Variants in EIF2AK4 observed in about 807,000 individuals in gnomAD.
The protein encoded by EIF2AK4 is eukaryotic translation initiation factor 2 alpha kinase 4.
EIF2AK4 carries 139 observed loss-of-function variants against 211.1 expected under a neutral mutation model. The ratio of observed to expected loss-of-function variants is 0.66; its 90% confidence interval spans 0.57 to 0.76. The LOEUF (loss-of-function observed/expected upper bound fraction) is 0.76. EIF2AK4 is among the 30% of genes least tolerant of loss of function. The pLI, the probability that EIF2AK4 is intolerant of heterozygous loss-of-function variation, is 0.00. For synonymous variants in EIF2AK4, 710 were observed against 751.3 expected (o/e 0.94, Z 0.90); for missense variants, 1,664 against 2,043.8 (o/e 0.81, Z 3.58).
chr15:39,984,714 C>T, intron 13 of EIF2AK4, among the ~76,000 whole-genome samples: 1 of 152,302 alleles, frequency 6.6e-6, no homozygotes, highest in South Asian at 2.1e-4. Context: ...TATCCTGAGA[C>T]TTTGCTGAAG....
intron 8 of EIF2AK4, 82 bp downstream of exon 8, chr15:39,965,925 GT>G: frequency 6.5e-7 from 1 of 1,549,016 alleles, no homozygotes. Flanking sequence ...CCCTGCATTT[GT>G]TTGCCCTGCA....
In EIF2AK4 at chr15:40,007,013, CA is replaced by C. The variant is rs1175418210; in HGVS notation, c.3358-2del. On this transcript the variant is annotated splice_acceptor_variant, in intron 23 of 38. Transcript: ENST00000263791. LOFTEE classifies it high-confidence loss of function. ...GACCTTTCATATTTTGTTTATTTTT[CA>C]GATCCCTTTTGCAAGATATGTGGCA... 1 of 1,591,518 alleles carries C rather than the reference CA, an allele frequency of 6.3e-7. No individual in the cohort carries two copies. Among genetic ancestry groups the C allele is most frequent in the Non-Finnish European group, 8.6e-7 (1 of 1,161,604 alleles).
At chr15:40,022,426 A>G (rs2035403719) in intron 31 of EIF2AK4, 93 bp from the exon 32 acceptor site, 2 of 1,053,640 alleles carry the variant, frequency 1.9e-6, no homozygotes, top group Middle Eastern at 4.2e-4. Flanking sequence ...CATTGAGAAT[A>G]TAATTGGAAA....
In EIF2AK4 at chr15:40,012,875, T is replaced by C. The variant is rs540610751; in HGVS notation, c.3759+1529T>C. 2.9e-3 allele frequency among the ~76,000 whole-genome samples: 435 copies of C among 152,316 alleles called. 1 individual carries two copies. Among genetic ancestry groups the C allele is most frequent in the Non-Finnish European group, 5.0e-3 (342 of 68,034 alleles). On this transcript the variant is annotated intron_variant, in intron 27 of 38. Transcript: ENST00000263791. Reference sequence around the variant, plus strand: ...GTACTTTGATTATTTTAAAATGGACTCTAAGGGTATTAGGAAGGGGAGTAG... The same window carrying C: ...GTACTTTGATTATTTTAAAATGGACCCTAAGGGTATTAGGAAGGGGAGTAG...
At chr15:39,969,638 G>A (rs559006609) in intron 9 of EIF2AK4, among the ~76,000 whole-genome samples, 1 of 152,268 alleles carries the variant, frequency 6.6e-6, no homozygotes, top group East Asian at 1.9e-4. Context: ...GGGATTACAG[G>A]CGTGAGCCAT....
chr15:39,943,582 CTACAAAAGGGAACATTGTGATTT>C, intron 3 of EIF2AK4, 97 bp downstream of exon 3: 3 of 925,812 alleles, frequency 3.2e-6, no homozygotes, highest in Non-Finnish European at 5.0e-6. Context: ...TTTATTGGTT[CTACAAAAGGGAACATTGTGATTT>C]TTATTTATTT....
rs1473771569 is a variant in EIF2AK4, at chr15:39,992,194, A to G, written c.2651A>G (p.Asp884Gly). The change falls in exon 17 of 39, where the codon GAT becomes GGT. Residue 884 changes from aspartate (D) to glycine (G), a missense_variant. Asp to Gly is a moderately conservative substitution (Grantham distance 94, BLOSUM62 -1). Coordinates refer to ENST00000263791, the MANE Select transcript of EIF2AK4 (RefSeq NM_001013703.4). ...LAFSADSKQD[D>G]QTGDLIKSDP... The stretch of plus-strand genomic sequence containing the variant: ...TTTTAGGCTGACAGCAAACAAGACG[A>G]TCAGACAGGAGACTTGATTAAGTCA... 9 of 1,612,286 alleles carry G rather than the reference A, an allele frequency of 5.6e-6. No individual in the cohort carries two copies. Among genetic ancestry groups the G allele is most frequent in the Non-Finnish European group, 6.8e-6 (8 of 1,179,150 alleles).
rs117506920 is a variant in EIF2AK4, at chr15:39,947,528, G to T, written c.361-1588G>T. On this transcript the variant is annotated intron_variant, in intron 3 of 38. Transcript: ENST00000263791. ...TTAATTTACTCAACAGATATTTATT[G>T]TCTGTGTACCATGTGTCAAGTGCTA... Among the ~76,000 whole-genome samples the T allele has an allele frequency of 2.2e-4, 34 of 152,044 alleles. 1 individual carries two copies. The highest frequency in any genetic ancestry group is 3.5e-4 in the Non-Finnish European group (24 of 68,022).
chr15:39,958,098 A>G (rs1363137814), intron 6 of EIF2AK4, among the ~76,000 whole-genome samples: 2 of 152,224 alleles, frequency 1.3e-5, no homozygotes, highest in Non-Finnish European at 2.9e-5. Context: ...ACATAAAATT[A>G]GCTATTTTAA....
At chr15:39,937,949 C>CT (rs1337478570) in intron 1 of EIF2AK4, among the ~76,000 whole-genome samples, 1 of 152,206 alleles carries the variant, frequency 6.6e-6, no homozygotes, top group East Asian at 1.9e-4. Context: ...TTTCAAGTCT[C>CT]TTTTTTTCCT....
Position 40,021,023 on chromosome 15 carries a change from C to A in EIF2AK4, c.4298C>A (p.Ser1433Ter). ...ACAGCAGAAATCATGTACGACTGGT[C>A]ACAGGTAATGGGACAAAAAGCACCT... is the stretch of plus-strand genomic sequence containing the variant. ...GITAEIMYDW[S>*]QSQEELQEYC... Residue 1433 changes from serine (S) to a stop codon, truncating the protein, a stop_gained, in exon 31 of 39, where the codon TCA (serine) becomes TAA (stop). Transcript: ENST00000263791. LOFTEE classifies it high-confidence loss of function. 1 of 1,612,222 alleles carries A rather than the reference C, an allele frequency of 6.2e-7. No individual in the cohort carries two copies.
rs1237640933 is a variant in EIF2AK4, at chr15:40,011,742, G to A, written c.3759+396G>A. 3.3e-5 allele frequency among the ~76,000 whole-genome samples: 5 copies of A among 152,138 alleles called. No individual in the cohort carries two copies. The East Asian group carries it at 9.6e-4, about 29-fold the overall frequency. On this transcript the variant is annotated intron_variant, in intron 27 of 38. Coordinates refer to ENST00000263791, the MANE Select transcript of EIF2AK4 (RefSeq NM_001013703.4). Reference sequence around the variant, plus strand: ...ACAGAATTCTGCAAATTCATCTGGGGAGCTACCCTTCCCCTACCTCCATGT... The same window carrying A: ...ACAGAATTCTGCAAATTCATCTGGGAAGCTACCCTTCCCCTACCTCCATGT...
chr15:40,019,266 C>A, intron 30 of EIF2AK4, 66 bp downstream of exon 30: 2 of 1,295,476 alleles, frequency 1.5e-6, no homozygotes, highest in Non-Finnish European at 1.1e-6. Flanking sequence ...TATGATTTGC[C>A]TTTTGCAGTC....
At chr15:39,953,799 A>T in intron 4 of EIF2AK4, 105 bp from the exon 5 acceptor site, 3 of 1,084,926 alleles carry the variant, frequency 2.8e-6, no homozygotes, top group Non-Finnish European at 1.3e-6. Context: ...TTAGGAAGAG[A>T]GGGTTTGAAT....
chr15:39,996,862 CCTA>C lies in EIF2AK4; in HGVS notation c.2767-100_2767-98del, dbSNP rs2035024987. On this transcript the variant is annotated intron_variant, in intron 18 of 38. Coordinates refer to ENST00000263791, the MANE Select transcript of EIF2AK4 (RefSeq NM_001013703.4). ...TTTCCAGTGTGACCTGTTTTGTACT[CCTA>C]CAAACTTTATTTCAGCTAACAATGC... 13 of 824,620 alleles carry C rather than the reference CCTA, an allele frequency of 1.6e-5. No homozygotes were observed. The South Asian group carries it at 2.0e-4, about 13-fold the overall frequency. 51.1% of individuals were successfully genotyped at this position (824,620 alleles called of 1,614,324 possible). A position where few individuals can be genotyped will look rare whatever the true frequency, so the allele number is the denominator to read the frequency against.
chr15:39,976,618 C>T lies in EIF2AK4; in HGVS notation c.2023C>T (p.Leu675=). 1 of 1,607,566 alleles carries T rather than the reference C, an allele frequency of 6.2e-7. No homozygotes were observed. The highest frequency in any genetic ancestry group is 8.5e-7 in the Non-Finnish European group (1 of 1,177,784). Reference sequence around the variant, plus strand: ...GACGCCGCCCCCGGACTCCGGGCCCCTGGCCAAGGATGACCGAGCTGCACG... The same window carrying T: ...GACGCCGCCCCCGGACTCCGGGCCCTTGGCCAAGGATGACCGAGCTGCACG... The part of the protein sequence containing the change: ...PGTPPPDSGP[L]AKDDRAARGQ... Residue 675 remains leucine, a synonymous_variant, in exon 12 of 39, where the codon CTG becomes TTG. Transcript: ENST00000263791.
intron 13 of EIF2AK4, among the ~76,000 whole-genome samples, chr15:39,981,635 A>G (rs2034788220): frequency 6.6e-6 from 1 of 152,148 alleles, no homozygotes; most frequent in Non-Finnish European, 1.5e-5. Flanking sequence ...GATAAAGGAA[A>G]AAGTTCAAAA....
intron 32 of EIF2AK4, 40 bp from the exon 33 acceptor site, chr15:40,025,937 A>G: frequency 6.3e-7 from 1 of 1,593,682 alleles, no homozygotes; most frequent in Non-Finnish European, 8.6e-7. Context: ...TTCTGGGTTC[A>G]GAAACCTCCA....
In EIF2AK4 at chr15:39,976,582, G is replaced by T. The variant is rs892470842; in HGVS notation, c.1987G>T (p.Ala663Ser). The change falls in exon 12 of 39, where the codon GCG (alanine) becomes TCG (serine). Residue 663 changes from alanine to serine, a missense_variant. Ala to Ser is a moderately conservative substitution (Grantham distance 99). This residue lies in a region of EIF2AK4 where 206 missense variants were observed against 201.9 expected (regional missense o/e 1.02). Transcript: ENST00000263791. Reference protein sequence around the residue: ...NAWIERHERPAGPGTPPPDSG... With the variant: ...NAWIERHERPSGPGTPPPDSG... ...CTGGATCGAGCGGCACGAGCGGCCG[G>T]CGGGACCGGGGACGCCGCCCCCGGA... is the stretch of plus-strand genomic sequence containing the variant. 3.1e-6 allele frequency: 5 copies of T among 1,611,168 alleles called. No individual in the cohort carries two copies. The highest frequency in any genetic ancestry group is 4.2e-6 in the Non-Finnish European group (5 of 1,179,132).
Sources: gnomAD v4.1 joint callset for allele counts (sites outside exome capture counted in the v4.1 genomes callset) on GRCh38, gnomAD v4.1.1 for gene constraint, gnomAD v4.1.1 regional missense constraint, MANE v1.5 for transcripts, NCBI Gene and HGNC (gene_info 2026-07-23, HGNC 2026-07-21) for gene names.